The following NRG1 variants were observed in gnomAD, a reference collection of about 807,000 sequenced individuals.
NRG1 encodes the protein neuregulin 1.
In NRG1, 18 loss-of-function variants were observed where a neutral mutation model predicts 63.8. The observed-to-expected ratio is 0.28, with a 90% CI of 0.19 to 0.42. The LOEUF (loss-of-function observed/expected upper bound fraction) is 0.42. Among genes scored for constraint, NRG1 ranks in the 10% least tolerant of loss-of-function variants. The probability of loss-of-function intolerance (pLI) is 1.00; values close to 1 mark genes in which losing one functional copy is unlikely to be tolerated. For missense variants in NRG1, 762 were observed against 814.7 expected (o/e 0.94, Z 0.79); for synonymous variants, 302 against 301.3 (o/e 1.00, Z -0.02).
chr8:31,791,101 G>T (rs1011182303), intron 1 of NRG1, among the ~76,000 whole-genome samples: 10 of 151,636 alleles, frequency 6.6e-5, no homozygotes, highest in Admixed American at 3.3e-4. Flanking sequence ...CCCAGCTACC[G>T]GGAAGGCTGA....
chr8:32,530,652 T>C (rs1300032861), intron 1 of NRG1, among the ~76,000 whole-genome samples: 5 of 152,326 alleles, frequency 3.3e-5, no homozygotes, highest in Non-Finnish European at 5.9e-5. Flanking sequence ...CATTTGTTTT[T>C]TTTGTAACCA....
At chr8:32,604,934 T>C (rs1175195826) in intron 2 of NRG1, among the ~76,000 whole-genome samples, 3 of 152,172 alleles carry the variant, frequency 2.0e-5, no homozygotes, top group African/African-American at 7.2e-5. Context: ...TATGTGATAA[T>C]GTTGCCCAAA....
At chr8:31,985,206 A>C (rs536958428) in intron 1 of NRG1, among the ~76,000 whole-genome samples, 2 of 152,258 alleles carry the variant, frequency 1.3e-5, no homozygotes, top group African/African-American at 4.8e-5. Flanking sequence ...ATAAGGAGAA[A>C]AAGGAGAGAG....
chr8:32,749,308 G>T, intron 7 of NRG1: 1 of 537,696 alleles, frequency 1.9e-6, no homozygotes, highest in Non-Finnish European at 3.3e-6. Flanking sequence ...CCCTCAGTAA[G>T]GTCTTTTAAG....
intron 1 of NRG1, among the ~76,000 whole-genome samples, chr8:32,525,811 C>T (rs1242694006): frequency 2.0e-5 from 3 of 152,098 alleles, no homozygotes; most frequent in African/African-American, 7.2e-5. Flanking sequence ...AATCAACTTT[C>T]TTGTTGATTT....
intron 1 of NRG1, among the ~76,000 whole-genome samples, chr8:32,481,592 A>C (rs1825291651): frequency 6.6e-6 from 1 of 152,248 alleles, no homozygotes; most frequent in Non-Finnish European, 1.5e-5. Context: ...AAACTGCATG[A>C]GTTCAAATCC....
At chr8:32,237,596 A>G (rs1847702817) in intron 1 of NRG1, among the ~76,000 whole-genome samples, 1 of 151,982 alleles carries the variant, frequency 6.6e-6, no homozygotes, top group Non-Finnish European at 1.5e-5. Flanking sequence ...TCCAGAGATA[A>G]GTATGTAAGT....
At chr8:31,929,330 A>G (rs1177118258) in intron 1 of NRG1, among the ~76,000 whole-genome samples, 1 of 152,110 alleles carries the variant, frequency 6.6e-6, no homozygotes, top group African/African-American at 2.4e-5. Context: ...ACCTGGCTAA[A>G]CTTTTACAAA....
intron 5 of NRG1, among the ~76,000 whole-genome samples, chr8:32,690,459 G>A (rs992103673): frequency 6.6e-5 from 10 of 152,160 alleles, no homozygotes; most frequent in African/African-American, 2.4e-4. Context: ...ATCCTCCAGA[G>A]ATGTATGCCA....
intron 1 of NRG1, among the ~76,000 whole-genome samples, chr8:31,687,830 C>T (rs941202599): frequency 5.3e-5 from 8 of 152,336 alleles, no homozygotes; most frequent in South Asian, 4.1e-4. Flanking sequence ...TGTAAACCAC[C>T]TCCATTAGTA....
At chr8:32,431,281 A>G (rs950807308) in intron 1 of NRG1, among the ~76,000 whole-genome samples, 3 of 152,172 alleles carry the variant, frequency 2.0e-5, no homozygotes, top group African/African-American at 7.2e-5. Context: ...CTGGATGGGG[A>G]TTATGATACT....
intron 1 of NRG1, among the ~76,000 whole-genome samples, chr8:32,498,704 C>G (rs925958465): frequency 6.6e-6 from 1 of 152,072 alleles, no homozygotes; most frequent in African/African-American, 2.4e-5. Flanking sequence ...AAGGTAAGGC[C>G]TATTTTAGTA....
intron 1 of NRG1, among the ~76,000 whole-genome samples, chr8:32,241,481 T>A (rs1326518082): frequency 6.6e-6 from 1 of 152,146 alleles, no homozygotes; most frequent in Non-Finnish European, 1.5e-5. Context: ...TCCATCACAT[T>A]TGTAGAAAGT....
In NRG1 at chr8:32,590,249, G is replaced by C. The variant is rs551036857; in HGVS notation, c.101-5579G>C. On this transcript the variant is annotated intron_variant, in intron 1 of 11. Coordinates refer to ENST00000356819, the Ensembl canonical transcript of NRG1. ...TCTGTTGATGCATTTCTAAGGATGT[G>C]GATATGTTTATATTAATGTCAAGCA... 3.3e-5 allele frequency among the ~76,000 whole-genome samples: 5 copies of C among 152,232 alleles called. No homozygotes were observed. The South Asian group carries it at 1.0e-3, about 32-fold the overall frequency.
chr8:32,202,404 G>C (rs2132304975), intron 1 of NRG1, among the ~76,000 whole-genome samples: 1 of 152,258 alleles, frequency 6.6e-6, no homozygotes, highest in South Asian at 2.1e-4. Flanking sequence ...CAGAAGCCAG[G>C]GTGAGTGCTT....
chr8:32,016,206 T>C (rs945728861), intron 1 of NRG1, among the ~76,000 whole-genome samples: 2 of 152,208 alleles, frequency 1.3e-5, no homozygotes, highest in South Asian at 2.1e-4. Flanking sequence ...AAGATATATA[T>C]ATATTCCTGC....
intron 1 of NRG1, among the ~76,000 whole-genome samples, chr8:32,311,462 T>G (rs889615771): frequency 6.6e-6 from 1 of 151,816 alleles, no homozygotes; most frequent in African/African-American, 2.4e-5. Flanking sequence ...AGTGTCTGAG[T>G]TGGAGGAAAT....
At position 31,903,483 on chromosome 8, in the gene NRG1, A is replaced by C. The variant is rs1009999477; in HGVS notation, c.37+264052A>C. ...ACTTGATTCTTCCATGAGAGGCCCT[A>C]AACATCATGGCAAAGAGTCTAACCA... is the stretch of plus-strand genomic sequence containing the variant. On this transcript the variant is annotated intron_variant, in intron 1 of 10. Transcript: ENST00000519301. Among the ~76,000 whole-genome samples, 8 of 152,032 alleles carry C rather than the reference A, an allele frequency of 5.3e-5. No homozygotes were observed. The East Asian group carries it at 1.4e-3, about 26-fold the overall frequency.
At chr8:31,666,694 A>T (rs1157042963) in intron 1 of NRG1, among the ~76,000 whole-genome samples, 1 of 152,162 alleles carries the variant, frequency 6.6e-6, no homozygotes, top group Non-Finnish European at 1.5e-5. Flanking sequence ...TCTCTTTCCC[A>T]GGGAAAATAA....
Sources: gnomAD v4.1 joint callset for allele counts (sites outside exome capture counted in the v4.1 genomes callset) on GRCh38, gnomAD v4.1.1 for gene constraint, MANE v1.5 for transcripts, NCBI Gene and HGNC (gene_info 2026-07-23, HGNC 2026-07-21) for gene names.